STARD4: variants seen among roughly 807,000 people sequenced by gnomAD.
STARD4 encodes StAR related lipid transfer domain containing 4, also known as stAR-related lipid transfer protein 4.
In STARD4, 33 loss-of-function variants were observed where a neutral mutation model predicts 24.9. That is an observed-to-expected ratio of 1.32 (90% confidence interval 1.00 to 1.77). STARD4 has a LOEUF of 1.77. Among genes scored for constraint, STARD4 ranks in the 40% most tolerant of loss-of-function variants. STARD4 has a pLI of 0.00. For missense variants in STARD4, 238 were observed against 249.3 expected (o/e 0.95, Z 0.31); for synonymous variants, 88 against 77.4 (o/e 1.14, Z -0.72).
chr5:111,500,776 C>T, intron 5 of STARD4: 5 of 1,438,948 alleles, frequency 3.5e-6, no homozygotes, highest in Non-Finnish European at 4.5e-6. Context: ...TTTGCTACCT[C>T]TGACCTAGAG....
chr5:111,496,970 G>T lies in STARD4; in HGVS notation c.*2916C>A, dbSNP rs892300669. 19 of 151,432 alleles carry T rather than the reference G, an allele frequency of 1.3e-4. No individual in the cohort carries two copies. The highest frequency in any genetic ancestry group is 4.6e-4 in the African/African-American group (19 of 41,224). 9.4% of individuals were successfully genotyped at this position (151,432 alleles called of 1,614,324 possible). ...TTGAGTACTGTTTTAAACTTTAAGG[G>T]TTAACTAAGAGTTATCAACACAAAC... is the stretch of plus-strand genomic sequence containing the variant. On this transcript the variant is annotated 3_prime_UTR_variant, in exon 6 of 6. Transcript: ENST00000296632.
intron 4 of STARD4, 61 bp from the exon 5 acceptor site, chr5:111,501,177 T>C (rs1756424037): frequency 1.4e-6 from 2 of 1,469,878 alleles, no homozygotes; most frequent in Non-Finnish European, 1.8e-6. Flanking sequence ...GCTTCATATA[T>C]CATAAACTTA....
rs1756156863 is a variant in STARD4, at chr5:111,497,397, A to G, written c.*2489T>C. 2 of 152,086 alleles carry G rather than the reference A, an allele frequency of 1.3e-5. No individual in the cohort carries two copies. The highest frequency in any genetic ancestry group is 1.3e-4 in the Admixed American group (2 of 15,270). The allele number at this position is 152,086 out of a possible 1,614,324, so 9.4% of individuals were successfully genotyped here. On this transcript the variant is annotated 3_prime_UTR_variant, in exon 6 of 6. Transcript: ENST00000296632. Reference sequence around the variant, plus strand: ...TTTCATCTTACTACAAGACAAATTAATAAATATGCTATAGGACTGTGCTAT... The same window carrying G: ...TTTCATCTTACTACAAGACAAATTAGTAAATATGCTATAGGACTGTGCTAT...
intron 3 of STARD4, among the ~76,000 whole-genome samples, chr5:111,503,552 C>T (rs1643540): frequency 0.29 from 44,495 of 151,890 alleles, 6,763 homozygotes; most frequent in African/African-American, 0.37. Flanking sequence ...TAGCTTGAAC[C>T]AGGTAGTCGG....
At chr5:111,500,296 A>C (rs998382102) in intron 5 of STARD4, 190 bp from the exon 6 acceptor site, 1 of 1,331,104 alleles carries the variant, frequency 7.5e-7, no homozygotes, top group African/African-American at 1.5e-5. Context: ...AGGTTGGCAG[A>C]TAGGTAATGG....
chr5:111,501,220 G>A, intron 4 of STARD4, 104 bp from the exon 5 acceptor site: 1 of 1,188,352 alleles, frequency 8.4e-7, no homozygotes, highest in Admixed American at 3.1e-5. Flanking sequence ...TATTTAAAAT[G>A]TTTCATAATT....
intron 3 of STARD4, chr5:111,504,896 T>TTATCATTGCCACCACCATCGC: frequency 2.4e-6 from 1 of 418,696 alleles, no homozygotes; most frequent in Middle Eastern, 3.5e-4. Context: ...TAAACGTTGG[T>TTATCATTGCCACCACCATCGC]TATCATTGCC....
intron 3 of STARD4, chr5:111,505,056 A>C (rs1404126861): frequency 2.2e-6 from 1 of 455,496 alleles, no homozygotes; most frequent in Non-Finnish European, 4.4e-6. Flanking sequence ...GAAAAAAAAA[A>C]AACCAGTGTT....
Position 111,499,924 on chromosome 5 carries a change from A to G in STARD4, c.580T>C (p.Leu194=), listed in dbSNP as rs1281732089. 1 of 1,614,152 alleles carries G rather than the reference A, an allele frequency of 6.2e-7. No homozygotes were observed. The highest frequency in any genetic ancestry group is 2.2e-5 in the East Asian group (1 of 44,878). The change falls in exon 6 of 6, where the codon TTA becomes CTA. Residue 194 remains leucine (L), a synonymous_variant. Coordinates refer to ENST00000296632, the MANE Select transcript of STARD4 (RefSeq NM_139164.3). The stretch of plus-strand genomic sequence containing the variant: ...CGTAAATCACCATAGAAGTTGGTTA[A>G]AGTGCTTGCCATGGCTGTATCTACC... ...SAVDTAMAST[L]TNFYGDLRKA... is the part of the protein sequence containing the mutation.
At chr5:111,504,149 T>C (rs1315650936) in intron 3 of STARD4, among the ~76,000 whole-genome samples, 4 of 152,192 alleles carry the variant, frequency 2.6e-5, no homozygotes, top group East Asian at 3.9e-4. Context: ...TCTAGTAAGG[T>C]TGGAAGATAT....
rs1470734601 is a variant in STARD4 at position 111,507,448 on chromosome 5, A to G, written c.-9-6T>C. ...AGGCCTTCCATTACTTCTCTCTGTT[A>G]TGGAGACCAAGATTAGCATCAGCAA... On this transcript the variant is annotated splice_polypyrimidine_tract_variant and splice_region_variant and intron_variant, in intron 1 of 5. Coordinates refer to ENST00000296632, the MANE Select transcript of STARD4 (RefSeq NM_139164.3). This position sits in a 1 kb window ranked among gnomAD's most constrained non-coding sequence, Gnocchi z 4.4. 1.2e-6 allele frequency: 2 copies of G among 1,607,938 alleles called. No individual in the cohort carries two copies. Among genetic ancestry groups the G allele is most frequent in the Non-Finnish European group, 8.5e-7 (1 of 1,177,062 alleles).
At position 111,496,136 on chromosome 5, in the gene STARD4, G is replaced by C. The variant is rs535944460; in HGVS notation, c.*3750C>G. ...TATTATTAGTTTAATAAATATTCTA[G>C]TTTTACATATTGGTTCACAAAAGAA... On this transcript the variant is annotated 3_prime_UTR_variant, in exon 6 of 6. Coordinates refer to ENST00000296632, the MANE Select transcript of STARD4 (RefSeq NM_139164.3). The C allele has an allele frequency of 2.0e-5, 3 of 151,560 alleles. No homozygotes were observed. Among genetic ancestry groups the C allele is most frequent in the African/African-American group, 4.8e-5 (2 of 41,286 alleles). 9.4% of individuals were successfully genotyped at this position (151,560 alleles called of 1,614,324 possible).
intron 3 of STARD4, 125 bp downstream of exon 3, chr5:111,506,193 CAAAAAAAAAAAA>C (rs878865342): frequency 6.2e-5 from 5 of 81,300 alleles, no homozygotes; most frequent in Admixed American, 3.8e-4. Context: ...GACTCTGTCT[CAAAAAAAAAAAA>C]AAAAAAAAAA....
chr5:111,510,383 C>CT (rs1757169978), intron 1 of STARD4, among the ~76,000 whole-genome samples: 1 of 152,194 alleles, frequency 6.6e-6, no homozygotes, highest in Non-Finnish European at 1.5e-5. Context: ...CAATCTCCAA[C>CT]TGTGGAGAAT....
chr5:111,500,680 A>G (rs1464146405), intron 5 of STARD4: 1 of 1,337,450 alleles, frequency 7.5e-7, no homozygotes, highest in African/African-American at 1.5e-5. Context: ...TTCTCTGTGT[A>G]TGACCAAGAA....
intron 3 of STARD4, 88 bp downstream of exon 3, chr5:111,506,242 A>C: frequency 1.8e-6 from 1 of 558,666 alleles, no homozygotes; most frequent in Non-Finnish European, 2.9e-6. Context: ...TAAAAAGCTA[A>C]ATCTTACTAG....
At chr5:111,500,773 C>G (rs868626216) in intron 5 of STARD4, 2 of 1,436,578 alleles carry the variant, frequency 1.4e-6, no homozygotes, top group Non-Finnish European at 1.8e-6. Context: ...ACATTTGCTA[C>G]CTCTGACCTA....
At position 111,498,107 on chromosome 5, in the gene STARD4, T is replaced by C. The variant is rs1391063731; in HGVS notation, c.*1779A>G. The C allele has an allele frequency of 6.6e-6, 1 of 152,066 alleles. No individual in the cohort carries two copies. The highest frequency in any genetic ancestry group is 1.5e-5 in the Non-Finnish European group (1 of 67,958). 9.4% of individuals were successfully genotyped at this position (152,066 alleles called of 1,614,324 possible). On this transcript the variant is annotated 3_prime_UTR_variant, in exon 6 of 6. Transcript: ENST00000296632. The stretch of plus-strand genomic sequence containing the variant: ...TATCAATAAAGCTGTTTTTGTTTTT[T>C]TAAAGTACACAGCTAGAGCCCAGCA...
At chr5:111,505,058 A>C (rs753968582) in intron 3 of STARD4, 3 of 454,820 alleles carry the variant, frequency 6.6e-6, no homozygotes, top group East Asian at 6.9e-5. Flanking sequence ...AAAAAAAAAA[A>C]CCAGTGTTTC....
Sources: gnomAD v4.1 joint callset for allele counts (sites outside exome capture counted in the v4.1 genomes callset) on GRCh38, gnomAD v4.1.1 for gene constraint, Gnocchi (gnomAD v3.1) non-coding constraint, MANE v1.5 for transcripts, NCBI Gene and HGNC (gene_info 2026-07-23, HGNC 2026-07-21) for gene names.